The following ADGRA3 variants were observed in gnomAD, a reference collection of about 807,000 sequenced individuals.
ADGRA3 encodes G-protein coupled receptor 125.
Under a neutral mutation model 119.8 loss-of-function variants are expected in ADGRA3, and 56 were observed. That is an observed-to-expected ratio of 0.47 (90% CI 0.38 to 0.58). The LOEUF (loss-of-function observed/expected upper bound fraction) is 0.58, where lower values mean the gene tolerates loss of function less well. Ranked by LOEUF, ADGRA3 falls within the 20% of genes least tolerant of loss-of-function variation. The pLI is 0.00. For synonymous variants in ADGRA3, 607 were observed against 623.8 expected (o/e 0.97, Z 0.40); for missense variants, 1,516 against 1,649.0 (o/e 0.92, Z 1.40).
At chr4:22,413,075 T>TAAAAAAAAAAAAAAAAAAAAAA in intron 14 of ADGRA3, 107 bp downstream of exon 14, 1 of 721,786 alleles carries the variant, frequency 1.4e-6, no homozygotes, top group African/African-American at 2.2e-5. Context: ...ATGTTAAAAG[T>TAAAAAAAAAAAAAAAAAAAAAA]AAAAAAAAAA....
rs543901089 is a variant in ADGRA3 at position 22,407,707 on chromosome 4, T to TA, written c.2233-4909dup. On this transcript the variant is annotated intron_variant, in intron 14 of 18. Coordinates refer to ENST00000334304, the MANE Select transcript of ADGRA3 (RefSeq NM_145290.4). ...GAGAAATTAAACATCAAATGTGTGT[T>TA]AAAAAATCACAAAGATGATCATTAC... Among the ~76,000 whole-genome samples, 14 of 152,276 alleles carry TA rather than the reference T, an allele frequency of 9.2e-5. No individual in the cohort carries two copies. The East Asian group carries it at 9.6e-4, about 10-fold the overall frequency.
intron 6 of ADGRA3, among the ~76,000 whole-genome samples, chr4:22,443,400 A>G (rs1189249515): frequency 6.6e-6 from 1 of 152,198 alleles, no homozygotes; most frequent in African/African-American, 2.4e-5. Flanking sequence ...TATTTTAAAT[A>G]TATGTACAAA....
rs768181664 is a variant in ADGRA3, at chr4:22,388,481, C to G, written c.3190G>C (p.Gly1064Arg). The G allele has an allele frequency of 6.2e-7, 1 of 1,613,940 alleles. No individual in the cohort carries two copies. The highest frequency in any genetic ancestry group is 8.5e-7 in the Non-Finnish European group (1 of 1,180,010). Residue 1064 changes from glycine to arginine, a missense_variant, in exon 19 of 19, where the codon GGA (glycine) becomes CGA (arginine). Around this residue, in one of 2 missense-constraint regions of ADGRA3, gnomAD observed 1,088 missense variants for 1,107.1 expected, o/e 0.98. Coordinates refer to ENST00000334304, the MANE Select transcript of ADGRA3 (RefSeq NM_145290.4). ...RLAWIMTCCP[G>R]RSSYSVQVNV... ...ACTTGCACTGAATACGAGCTCCGTC[C>G]TGGGCAGCAAGTCATGATCCACGCA...
chr4:22,447,289 T>C (rs16872656), intron 5 of ADGRA3, 151 bp downstream of exon 5: 1 of 569,544 alleles, frequency 1.8e-6, no homozygotes, highest in Non-Finnish European at 3.1e-6. Context: ...GGTTACTGTA[T>C]GTTTTTCAAT....
At chr4:22,419,930 C>T (rs891317588) in intron 12 of ADGRA3, 7 of 152,532 alleles carry the variant, frequency 4.6e-5, no homozygotes, top group African/African-American at 1.7e-4. Context: ...TATTATCAGA[C>T]ATTTTGACCT....
At chr4:22,449,847 A>G (rs78479762) in intron 4 of ADGRA3, among the ~76,000 whole-genome samples, 8 of 106,358 alleles carry the variant, frequency 7.5e-5, no homozygotes, top group African/African-American at 3.5e-4. Context: ...ACTCTGTCTC[A>G]AAAAAAAAAA....
intron 1 of ADGRA3, among the ~76,000 whole-genome samples, chr4:22,508,951 T>C (rs958712634): frequency 2.6e-5 from 4 of 152,126 alleles, no homozygotes; most frequent in African/African-American, 9.7e-5. Flanking sequence ...AATTCCCTCT[T>C]CGTCCCACCT....
At chr4:22,438,924 C>T (rs1315484440) in intron 7 of ADGRA3, among the ~76,000 whole-genome samples, 2 of 151,960 alleles carry the variant, frequency 1.3e-5, no homozygotes, top group Non-Finnish European at 2.9e-5. Flanking sequence ...TGGCTTGAAC[C>T]CAGGAGGCGG....
intron 1 of ADGRA3, among the ~76,000 whole-genome samples, chr4:22,506,571 A>C (rs905137727): frequency 4.6e-5 from 7 of 151,772 alleles, no homozygotes; most frequent in South Asian, 2.1e-4. Flanking sequence ...ACAAACAAAC[A>C]AACCAAGGCA....
chr4:22,487,214 T>G (rs1397710282), intron 1 of ADGRA3, among the ~76,000 whole-genome samples: 1 of 152,114 alleles, frequency 6.6e-6, no homozygotes, highest in East Asian at 1.9e-4. Context: ...AGATAAGTAT[T>G]TTTAAATGAG....
chr4:22,392,441 C>T (rs1349129618), intron 17 of ADGRA3, 104 bp downstream of exon 17: 11 of 1,370,444 alleles, frequency 8.0e-6, no homozygotes, highest in South Asian at 5.2e-5. Flanking sequence ...CATACAAGTC[C>T]GTTCTTTTAC....
chr4:22,442,589 C>T, intron 7 of ADGRA3, 61 bp downstream of exon 7: 1 of 1,210,360 alleles, frequency 8.3e-7, no homozygotes, highest in South Asian at 1.4e-5. Context: ...ATTACACCTC[C>T]AAAAGGATAA....
intron 2 of ADGRA3, among the ~76,000 whole-genome samples, chr4:22,469,043 T>A (rs1717765624): frequency 6.6e-6 from 1 of 151,868 alleles, no homozygotes. Context: ...ATCCAAAACA[T>A]CAATTACCTG....
chr4:22,405,445 C>T (rs1412571311), intron 14 of ADGRA3, among the ~76,000 whole-genome samples: 5 of 151,312 alleles, frequency 3.3e-5, no homozygotes, highest in Non-Finnish European at 5.9e-5. Context: ...ACTTGGGAGG[C>T]TGAAGTGGGA....
intron 1 of ADGRA3, among the ~76,000 whole-genome samples, chr4:22,509,781 C>T (rs533025825): frequency 1.7e-4 from 26 of 151,966 alleles, no homozygotes; most frequent in Non-Finnish European, 2.2e-4. Flanking sequence ...GAGGCCGAGG[C>T]GGGCGGATCA....
At chr4:22,447,600 TTAAA>T in intron 4 of ADGRA3, 89 bp from the exon 5 acceptor site, 1 of 737,464 alleles carries the variant, frequency 1.4e-6, no homozygotes, top group South Asian at 2.1e-5. Context: ...CCTACAGTCA[TTAAA>T]TAATGTTGTA....
chr4:22,393,971 G>A (rs1300216312), intron 16 of ADGRA3: 1 of 152,160 alleles, frequency 6.6e-6, no homozygotes, highest in African/African-American at 2.4e-5. Flanking sequence ...TCTAGTTGAG[G>A]ATGAAATTCT....
chr4:22,497,505 G>T (rs949409392), intron 1 of ADGRA3, among the ~76,000 whole-genome samples: 5 of 152,054 alleles, frequency 3.3e-5, no homozygotes, highest in Non-Finnish European at 7.4e-5. Context: ...ACATGCAAAG[G>T]GGCAACCAGA....
chr4:22,402,389 C>T (rs938417928), intron 15 of ADGRA3, among the ~76,000 whole-genome samples: 3 of 152,072 alleles, frequency 2.0e-5, no homozygotes, highest in African/African-American at 4.8e-5. Context: ...CCTCCTATTG[C>T]GCCTGTGACC....
Sources: allele counts gnomAD v4.1 joint callset (sites outside exome capture counted in the v4.1 genomes callset), GRCh38; gene constraint gnomAD v4.1.1; regional missense constraint gnomAD v4.1.1; transcripts MANE v1.5; gene names NCBI Gene and HGNC (gene_info 2026-07-23, HGNC 2026-07-21).